The following NUDT13 variants were observed in gnomAD, a reference collection of about 807,000 sequenced individuals.
NUDT13 encodes the protein NAD(P)H pyrophosphatase NUDT13, mitochondrial.
NUDT13 carries 40 observed loss-of-function variants against 41.7 expected under a neutral mutation model. That is an observed-to-expected ratio of 0.96 (90% CI 0.75 to 1.25). NUDT13 has a LOEUF of 1.25. Among genes scored for constraint, NUDT13 ranks in the 50% most tolerant of loss-of-function variants. The probability of loss-of-function intolerance (pLI) is 0.00; values close to 1 mark genes in which losing one functional copy is unlikely to be tolerated. For missense variants in NUDT13, 390 were observed against 416.1 expected (o/e 0.94, Z 0.55); for synonymous variants, 145 against 155.5 (o/e 0.93, Z 0.50).
Position 73,125,112 on chromosome 10 carries a change from TC to T in NUDT13, c.466-4del. The T allele has an allele frequency of 6.2e-7, 1 of 1,605,408 alleles. No homozygotes were observed. ...AATGACACCAGGCCCATCATTGTGT[TC>T]CTAGGCTCAAGCTCTTCTCCGCTGG... On this transcript the variant is annotated splice_polypyrimidine_tract_variant and splice_region_variant and intron_variant, in intron 5 of 8. Transcript: ENST00000357321.
rs940019181 is a variant in NUDT13 at position 73,120,297 on chromosome 10, C to T, written c.223+140C>T. On this transcript the variant is annotated intron_variant, in intron 3 of 8. Transcript: ENST00000357321. ...GCTTTTGAGTCTCATGCTTGTATAACTGCTTCTGCCAACTAATAATTTATT... is the reference window on the plus strand; with the variant it reads ...GCTTTTGAGTCTCATGCTTGTATAATTGCTTCTGCCAACTAATAATTTATT... The T allele has an allele frequency of 2.7e-5, 19 of 694,490 alleles. No homozygotes were observed. The Middle Eastern group carries it at 1.7e-3, about 62-fold the overall frequency. 43.0% of individuals were successfully genotyped at this position (694,490 alleles called of 1,614,324 possible). A position where few individuals can be genotyped will look rare whatever the true frequency, so the allele number is the denominator to read the frequency against.
At chr10:73,114,597 G>GTATA (rs1159342570) in intron 2 of NUDT13, 149 bp downstream of exon 2, 1 of 235,140 alleles carries the variant, frequency 4.3e-6, no homozygotes, top group Non-Finnish European at 7.9e-6. Context: ...GTGTGTGTGT[G>GTATA]TATATATATA....
At position 73,127,351 on chromosome 10, in the gene NUDT13, C is replaced by T. The variant is rs146333062; in HGVS notation, c.858+524C>T. 2.6e-5 allele frequency among the ~76,000 whole-genome samples: 4 copies of T among 151,766 alleles called. No individual in the cohort carries two copies. In the East Asian group the frequency reaches 7.8e-4, roughly 30 times the overall value. ...CTGAGGTCGCGCTACTGCACTCCAG[C>T]CTGGGCAACAGGGTGAGAATGCATC... On this transcript the variant is annotated intron_variant, in intron 8 of 8. Coordinates refer to ENST00000357321, the MANE Select transcript of NUDT13 (RefSeq NM_015901.6).
In NUDT13 at chr10:73,124,202, C is replaced by T; in HGVS notation, c.359-12C>T. 5 of 1,572,646 alleles carry T rather than the reference C, an allele frequency of 3.2e-6. No homozygotes were observed. The highest frequency in any genetic ancestry group is 4.4e-6 in the Non-Finnish European group (5 of 1,146,058). On this transcript the variant is annotated splice_polypyrimidine_tract_variant and intron_variant, in intron 4 of 8. Transcript: ENST00000357321. Reference sequence around the variant, plus strand: ...TCATTGTTTAATTTCATTATCTTTTCTAATTTTCTAGCCTCCTTACACAAA... The same window carrying T: ...TCATTGTTTAATTTCATTATCTTTTTTAATTTTCTAGCCTCCTTACACAAA...
rs577161055 is a variant in NUDT13, at chr10:73,126,689, G to C, written c.720G>C (p.Glu240Asp). Residue 240 changes from glutamate (E) to aspartate (D), a missense_variant, in exon 8 of 9, where the codon GAG (glutamate) becomes GAC (aspartate). Coordinates refer to ENST00000357321, the MANE Select transcript of NUDT13 (RefSeq NM_015901.6). ...TGCTTGTAGGTGAAAGTGTGGAAGA[G>C]ACCATCCGCCGAGAAGTTGCAGAAG... is the stretch of plus-strand genomic sequence containing the variant. ...GFCDIGESVE[E>D]TIRREVAEEV... The C allele has an allele frequency of 6.2e-7, 1 of 1,614,158 alleles. No homozygotes were observed. Among genetic ancestry groups the C allele is most frequent in the South Asian group, 1.1e-5 (1 of 91,072 alleles).
chr10:73,111,916 C>G (rs532077920), intron 1 of NUDT13, among the ~76,000 whole-genome samples: 8 of 152,084 alleles, frequency 5.3e-5, no homozygotes, highest in Non-Finnish European at 7.4e-5. Context: ...GGAATAAGTA[C>G]ACATGGCTAA....
At chr10:73,130,590 G>C in intron 8 of NUDT13, 113 bp from the exon 9 acceptor site, 1 of 851,004 alleles carries the variant, frequency 1.2e-6, no homozygotes. Context: ...GAAGATCCCA[G>C]GTATTATCTT....
chr10:73,121,311 T>A (rs1272788320), intron 3 of NUDT13, among the ~76,000 whole-genome samples: 2 of 152,206 alleles, frequency 1.3e-5, no homozygotes, highest in Non-Finnish European at 2.9e-5. Flanking sequence ...AACTTCCGTA[T>A]TGCCAGTGAA....
rs1462688822 is a variant in NUDT13, at chr10:73,125,121, C to G, written c.469C>G (p.Gln157Glu). The change falls in exon 6 of 9, where the codon CAA becomes GAA. Residue 157 changes from glutamine (Q) to glutamate (E), a missense_variant. Coordinates refer to ENST00000357321, the MANE Select transcript of NUDT13 (RefSeq NM_015901.6). Reference sequence around the variant, plus strand: ...AGGCCCATCATTGTGTTCCTAGGCTCAAGCTCTTCTCCGCTGGCATGATGC... The same window carrying G: ...AGGCCCATCATTGTGTTCCTAGGCTGAAGCTCTTCTCCGCTGGCATGATGC... ...ARDASLLSTA[Q>E]ALLRWHDAHQ... The G allele has an allele frequency of 6.2e-7, 1 of 1,608,184 alleles. No individual in the cohort carries two copies. The highest frequency in any genetic ancestry group is 8.5e-7 in the Non-Finnish European group (1 of 1,178,378).
chr10:73,120,754 C>T (rs1842625670), intron 3 of NUDT13, among the ~76,000 whole-genome samples: 1 of 151,854 alleles, frequency 6.6e-6, no homozygotes, highest in Non-Finnish European at 1.5e-5. Flanking sequence ...CTGGCTAACA[C>T]GGTGAAACCC....
chr10:73,110,523 T>C lies in NUDT13; in HGVS notation c.-54T>C, dbSNP rs1288872178. 3 of 152,228 alleles carry C rather than the reference T, an allele frequency of 2.0e-5. No homozygotes were observed. Among genetic ancestry groups the C allele is most frequent in the African/African-American group, 7.2e-5 (3 of 41,438 alleles). The allele number at this position is 152,228 out of a possible 1,614,324, so 9.4% of individuals were successfully genotyped here. A position where few individuals can be genotyped will look rare whatever the true frequency, so the allele number is the denominator to read the frequency against. ...TGAACATTTGGAGTTTCCTCTTTTG[T>C]GCTGATTCCTGAGGACTAGGAAGGT... On this transcript the variant is annotated 5_prime_UTR_variant, in exon 1 of 9. Transcript: ENST00000357321.
In NUDT13 at chr10:73,131,085, GCAAT is replaced by G. The variant is rs1842907363; in HGVS notation, c.*186_*189del. On this transcript the variant is annotated 3_prime_UTR_variant, in exon 9 of 9. Coordinates refer to ENST00000357321, the MANE Select transcript of NUDT13 (RefSeq NM_015901.6). Reference sequence around the variant, plus strand: ...TAATGGAAGAAATTCCTACCAATGGGCAATCAAAAAAGCCAGTGTGAGAAGAAAA... The same window carrying G: ...TAATGGAAGAAATTCCTACCAATGGGCAAAAAAGCCAGTGTGAGAAGAAAA... 1 of 503,438 alleles carries G rather than the reference GCAAT, an allele frequency of 2.0e-6. No homozygotes were observed. The highest frequency in any genetic ancestry group is 3.4e-5 in the East Asian group (1 of 29,304). The allele number at this position is 503,438 out of a possible 1,614,324, so 31.2% of individuals were successfully genotyped here.
chr10:73,111,667 C>T (rs1842370581), intron 1 of NUDT13, among the ~76,000 whole-genome samples: 1 of 152,174 alleles, frequency 6.6e-6, no homozygotes, highest in Non-Finnish European at 1.5e-5. Context: ...AGCTCTGTGA[C>T]CATCAGCTCA....
chr10:73,116,122 C>T (rs1842500673), intron 2 of NUDT13, among the ~76,000 whole-genome samples: 1 of 152,056 alleles, frequency 6.6e-6, no homozygotes, highest in Non-Finnish European at 1.5e-5. Context: ...ATTCTCCCAC[C>T]AAGTAGCTAG....
At chr10:73,129,372 C>A (rs1842864009) in intron 8 of NUDT13, among the ~76,000 whole-genome samples, 2 of 151,436 alleles carry the variant, frequency 1.3e-5, no homozygotes, top group African/African-American at 4.9e-5. Context: ...GGGGGTTCCA[C>A]CATGTTGGCC....
chr10:73,115,375 G>T (rs1252971004), intron 2 of NUDT13, among the ~76,000 whole-genome samples: 1 of 151,980 alleles, frequency 6.6e-6, no homozygotes, highest in African/African-American at 2.4e-5. Context: ...ACAGGGTTTT[G>T]CCATGTTGTC....
intron 2 of NUDT13, among the ~76,000 whole-genome samples, chr10:73,116,876 ATTTTTTTTTTTT>A (rs56229464): frequency 8.6e-5 from 7 of 81,838 alleles, no homozygotes; most frequent in South Asian, 4.1e-4. Flanking sequence ...GACTACAAGA[ATTTTTTTTTTTT>A]TTTTTTTTTT....
At chr10:73,115,293 C>G (rs1842481453) in intron 2 of NUDT13, 1 of 152,152 alleles carries the variant, frequency 6.6e-6, no homozygotes, top group South Asian at 2.1e-4. Context: ...CCTCCCACCT[C>G]AAACCCCCAA....
intron 2 of NUDT13, among the ~76,000 whole-genome samples, chr10:73,116,706 C>A (rs368594929): frequency 6.6e-6 from 1 of 151,844 alleles, no homozygotes; most frequent in East Asian, 1.9e-4. Context: ...CGTGTCATTG[C>A]ACTCTAGCCT....
Sources: gnomAD v4.1 joint callset for allele counts (sites outside exome capture counted in the v4.1 genomes callset) on GRCh38, gnomAD v4.1.1 for gene constraint, MANE v1.5 for transcripts, NCBI Gene and HGNC (gene_info 2026-07-23, HGNC 2026-07-21) for gene names.